PSIP1: variants seen among roughly 807,000 people sequenced by gnomAD.
PSIP1 encodes the protein PC4 and SRSF1 interacting protein 1.
A neutral mutation model predicts 74.7 loss-of-function variants in PSIP1; 19 were observed. That is an observed-to-expected ratio of 0.25 (90% confidence interval 0.18 to 0.37). The LOEUF (loss-of-function observed/expected upper bound fraction) is 0.37, where lower values mean the gene tolerates loss of function less well. Among genes scored for constraint, PSIP1 ranks in the 10% least tolerant of loss-of-function variants. PSIP1 has a pLI of 1.00. For synonymous variants in PSIP1, 222 were observed against 195.3 expected (o/e 1.14, Z -1.14); for missense variants, 601 against 614.3 (o/e 0.98, Z 0.23).
chr9:15,485,444 T>G (rs190617362), intron 6 of PSIP1, among the ~76,000 whole-genome samples: 1 of 152,196 alleles, frequency 6.6e-6, no homozygotes, highest in South Asian at 2.1e-4. Context: ...AACTTTTGGT[T>G]TTCTTTGCAT....
intron 6 of PSIP1, among the ~76,000 whole-genome samples, chr9:15,481,772 T>C (rs781415801): frequency 2.6e-5 from 4 of 152,158 alleles, no homozygotes; most frequent in Non-Finnish European, 5.9e-5. Context: ...ATTAAAACTA[T>C]ATTAACACTA....
intron 7 of PSIP1, 62 bp downstream of exon 7, chr9:15,479,529 C>A: frequency 7.4e-7 from 1 of 1,351,940 alleles, no homozygotes. Context: ...GGCAGCAACA[C>A]TTTAAATGGA....
intron 3 of PSIP1, 77 bp downstream of exon 3, chr9:15,506,484 C>A: frequency 2.0e-6 from 2 of 1,000,230 alleles, no homozygotes; most frequent in Admixed American, 2.1e-5. Flanking sequence ...TTACGATTTC[C>A]CCCTTGAATT....
intron 10 of PSIP1, chr9:15,470,635 GT>G (rs1053478541): frequency 3.3e-4 from 295 of 890,562 alleles, no homozygotes; most frequent in Non-Finnish European, 3.7e-4. Context: ...TAAAAATCAG[GT>G]TTTTTTTTTA....
intron 2 of PSIP1, 49 bp downstream of exon 2, chr9:15,510,068 C>CT (rs752667519): frequency 1.3e-6 from 2 of 1,540,932 alleles, no homozygotes; most frequent in Non-Finnish European, 1.8e-6. Flanking sequence ...CAGCAGGCCT[C>CT]TGGAGAGGAG....
intron 15 of PSIP1, 68 bp downstream of exon 15, chr9:15,466,680 G>A: frequency 2.4e-6 from 3 of 1,253,282 alleles, no homozygotes; most frequent in Non-Finnish European, 3.4e-6. Flanking sequence ...GATAACCTTG[G>A]AACAGAACTG....
chr9:15,475,889 T>G (rs917360575), intron 8 of PSIP1, among the ~76,000 whole-genome samples: 3 of 152,176 alleles, frequency 2.0e-5, no homozygotes, highest in Non-Finnish European at 2.9e-5. Flanking sequence ...TTTTAATATA[T>G]GTTAATATAA....
chr9:15,480,546 G>C lies in PSIP1; in HGVS notation c.457-859C>G, dbSNP rs1177580227. 5.9e-5 allele frequency among the ~76,000 whole-genome samples: 9 copies of C among 152,298 alleles called. No individual in the cohort carries two copies. The East Asian group carries it at 1.2e-3, about 20-fold the overall frequency. On this transcript the variant is annotated intron_variant, in intron 6 of 15. Coordinates refer to ENST00000380733, the MANE Select transcript of PSIP1 (RefSeq NM_033222.5). ...AATCATTCATACATTGACTACCAAT[G>C]ATCAATAAGCTGGTATCAATAAACT...
chr9:15,510,364 A>AC (rs1427731788), intron 1 of PSIP1, 35 bp from the exon 2 acceptor site: 2 of 110,252 alleles, frequency 1.8e-5, no homozygotes, highest in Non-Finnish European at 3.3e-5. Flanking sequence ...AAAGCGAAGA[A>AC]CCCCGAAGGG....
intron 12 of PSIP1, 81 bp from the exon 13 acceptor site, chr9:15,469,139 A>C: frequency 7.0e-7 from 1 of 1,427,988 alleles, no homozygotes; most frequent in Non-Finnish European, 9.6e-7. Context: ...GTTTCCAAAA[A>C]AAAAGAGGTA....
chr9:15,500,627 T>C (rs1261817514), intron 3 of PSIP1, among the ~76,000 whole-genome samples: 6 of 152,204 alleles, frequency 3.9e-5, no homozygotes, highest in African/African-American at 1.4e-4. Context: ...CATTACTTTA[T>C]TTTCTTCTTG....
In PSIP1 at chr9:15,464,535, T is replaced by G. The variant is rs1284466533; in HGVS notation, c.*985A>C. The stretch of plus-strand genomic sequence containing the variant: ...AATGCTGGAACAACTAGTGTTTGTA[T>G]TTTTGGAATCTAGAAAATAAAAACA... On this transcript the variant is annotated 3_prime_UTR_variant, in exon 16 of 16. Coordinates refer to ENST00000380733, the MANE Select transcript of PSIP1 (RefSeq NM_033222.5). 1.0e-5 allele frequency: 2 copies of G among 200,466 alleles called. No homozygotes were observed. The highest frequency in any genetic ancestry group is 2.1e-5 in the Non-Finnish European group (2 of 97,478). The allele number at this position is 200,466 out of a possible 1,614,324, so 12.4% of individuals were successfully genotyped here.
intron 3 of PSIP1, chr9:15,505,059 C>T (rs1200518069): frequency 6.6e-6 from 1 of 151,580 alleles, no homozygotes; most frequent in Non-Finnish European, 1.5e-5. Context: ...CCACCTCAGC[C>T]TCTGGAGTAG....
chr9:15,509,854 C>A, intron 2 of PSIP1, among the ~76,000 whole-genome samples: 1 of 152,156 alleles, frequency 6.6e-6, no homozygotes, highest in East Asian at 1.9e-4. Flanking sequence ...TAACTAGCAA[C>A]GCATTTAAAT....
At chr9:15,499,224 A>G (rs1220963289) in intron 3 of PSIP1, among the ~76,000 whole-genome samples, 2 of 152,216 alleles carry the variant, frequency 1.3e-5, no homozygotes, top group Non-Finnish European at 2.9e-5. Context: ...TCTTTGAAAC[A>G]TCTCCTAATA....
At chr9:15,509,996 T>A in intron 2 of PSIP1, 121 bp downstream of exon 2, 1 of 1,022,668 alleles carries the variant, frequency 9.8e-7, no homozygotes, top group Non-Finnish European at 1.4e-6. Flanking sequence ...AAGGTCAGGT[T>A]ACAAATGAGA....
chr9:15,485,094 A>G (rs905414717), intron 6 of PSIP1, among the ~76,000 whole-genome samples: 2 of 152,144 alleles, frequency 1.3e-5, no homozygotes, highest in African/African-American at 4.8e-5. Flanking sequence ...CTCTTAAAAA[A>G]ATTTTTTAAA....
Position 15,465,458 on chromosome 9 carries a change from C to G in PSIP1, c.*62G>C. ...ATAAAAATTTAAAACTTTCAGCAGT[C>G]TATTTCAAATGAAAACCATTACAAA... On this transcript the variant is annotated 3_prime_UTR_variant, in exon 16 of 16. Transcript: ENST00000380733. 7.3e-7 allele frequency: 1 copy of G among 1,379,088 alleles called. No homozygotes were observed. The highest frequency in any genetic ancestry group is 1.0e-6 in the Non-Finnish European group (1 of 993,160). 85.4% of individuals were successfully genotyped at this position (1,379,088 alleles called of 1,614,324 possible).
chr9:15,497,128 A>G (rs12003712), intron 3 of PSIP1, among the ~76,000 whole-genome samples: 2,080 of 152,332 alleles, frequency 0.014, 40 homozygotes, highest in African/African-American at 0.048. Context: ...CATTATTCAT[A>G]AAAGCCAAAA....
Sources: allele counts gnomAD v4.1 joint callset (sites outside exome capture counted in the v4.1 genomes callset), GRCh38; gene constraint gnomAD v4.1.1; transcripts MANE v1.5; gene names NCBI Gene and HGNC (gene_info 2026-07-23, HGNC 2026-07-21).